The following ANXA6 variants were observed in gnomAD, a reference collection of about 807,000 sequenced individuals.
ANXA6 encodes annexin A6, also known as 67 kDa calelectrin.
ANXA6 carries 71 observed loss-of-function variants against 95.4 expected under a neutral mutation model. The observed-to-expected ratio is 0.74, with a 90% CI of 0.61 to 0.91. ANXA6 has a LOEUF of 0.91. Among genes scored for constraint, ANXA6 ranks in the 40% least tolerant of loss-of-function variants. The pLI is 0.00. For missense variants in ANXA6, 830 were observed against 876.4 expected (o/e 0.95, Z 0.67); for synonymous variants, 289 against 315.9 (o/e 0.91, Z 0.90).
chr5:151,108,229 C>T (rs1459313827), intron 23 of ANXA6, among the ~76,000 whole-genome samples: 1 of 152,032 alleles, frequency 6.6e-6, no homozygotes, highest in Non-Finnish European at 1.5e-5. Context: ...CCCCAGTCTT[C>T]CTGGTTCTTC....
At chr5:151,116,856 T>C (rs1486450645) in intron 20 of ANXA6, among the ~76,000 whole-genome samples, 1 of 152,172 alleles carries the variant, frequency 6.6e-6, no homozygotes, top group East Asian at 1.9e-4. Context: ...TGGACCTCCA[T>C]TTTCCCACTG....
At chr5:151,103,357 T>C (rs372325561) in intron 25 of ANXA6, among the ~76,000 whole-genome samples, 16 of 152,342 alleles carry the variant, frequency 1.1e-4, no homozygotes, top group East Asian at 7.7e-4. Flanking sequence ...TGGGCTCTTG[T>C]TTTATTTGGA....
At chr5:151,142,025 C>T (rs1312337641) in intron 2 of ANXA6, among the ~76,000 whole-genome samples, 1 of 152,248 alleles carries the variant, frequency 6.6e-6, no homozygotes, top group Non-Finnish European at 1.5e-5. Context: ...TGACCAAATA[C>T]TCAAGTATTT....
At chr5:151,104,413 G>A (rs1198772592) in intron 24 of ANXA6, among the ~76,000 whole-genome samples, 2 of 152,238 alleles carry the variant, frequency 1.3e-5, no homozygotes, top group African/African-American at 4.8e-5. Context: ...GTCAGAGCTA[G>A]GTTCGAGTCC....
At chr5:151,148,106 T>C (rs1344824937) in intron 1 of ANXA6, among the ~76,000 whole-genome samples, 180 bp from the exon 2 acceptor site, 1 of 151,026 alleles carries the variant, frequency 6.6e-6, no homozygotes, top group African/African-American at 2.4e-5. Flanking sequence ...ACAGACTAGA[T>C]GGTGTCCAGA....
At chr5:151,109,307 C>A (rs1037905779) in intron 22 of ANXA6, among the ~76,000 whole-genome samples, 1 of 152,202 alleles carries the variant, frequency 6.6e-6, no homozygotes, top group Admixed American at 6.5e-5. Flanking sequence ...AGTGCCAGGG[C>A]CACTGCATAC....
At chr5:151,106,277 C>A (rs562762003) in intron 23 of ANXA6, among the ~76,000 whole-genome samples, 1 of 152,214 alleles carries the variant, frequency 6.6e-6, no homozygotes, top group East Asian at 1.9e-4. Flanking sequence ...GCACAGGTGT[C>A]TCAGACAGCT....
chr5:151,108,991 A>G (rs1764775224), intron 22 of ANXA6, among the ~76,000 whole-genome samples: 1 of 152,166 alleles, frequency 6.6e-6, no homozygotes, highest in African/African-American at 2.4e-5. Context: ...TGAGTCAGGC[A>G]TTGCGCCAGT....
intron 1 of ANXA6, among the ~76,000 whole-genome samples, chr5:151,153,470 C>G (rs1766158439): frequency 6.6e-6 from 1 of 152,194 alleles, no homozygotes; most frequent in South Asian, 2.1e-4. Context: ...AAGGTATTCC[C>G]CCGCTAGGGT....
intron 17 of ANXA6, among the ~76,000 whole-genome samples, chr5:151,121,058 A>G (rs908026752): frequency 2.0e-5 from 3 of 152,194 alleles, no homozygotes. Context: ...TGGCTTAGGT[A>G]TTTTAAGAAA....
At chr5:151,149,764 G>A (rs372831596) in intron 1 of ANXA6, among the ~76,000 whole-genome samples, 267 of 152,248 alleles carry the variant, frequency 1.8e-3, no homozygotes, top group Middle Eastern at 0.01. Context: ...GATTATAGGC[G>A]TGAGCCACCA....
chr5:151,122,585 G>T lies in ANXA6; in HGVS notation c.1234-325C>A, dbSNP rs140157033. ...GCAATAATCCCTGACACTCAGTTGG[G>T]GCCTTGAAGCCAGCTCTGTCTGTGC... On this transcript the variant is annotated intron_variant, in intron 16 of 25. Transcript: ENST00000354546. 1.8e-3 allele frequency among the ~76,000 whole-genome samples: 280 copies of T among 152,334 alleles called. 1 individual carries two copies. Among genetic ancestry groups the T allele is most frequent in the Non-Finnish European group, 3.4e-3 (228 of 68,022 alleles).
chr5:151,114,494 A>T (rs780533644), intron 20 of ANXA6, among the ~76,000 whole-genome samples: 6 of 151,752 alleles, frequency 4.0e-5, no homozygotes, highest in Admixed American at 6.6e-5. Context: ...GGAGCTTGTA[A>T]TCCCAGCTAC....
At chr5:151,132,592 G>A in intron 9 of ANXA6, 21 bp from the exon 10 acceptor site, 5 of 1,604,898 alleles carry the variant, frequency 3.1e-6, no homozygotes, top group Non-Finnish European at 4.3e-6. Context: ...CAGAGAGACA[G>A]GGAGGTTTGA....
chr5:151,130,804 C>T (rs1765490199), intron 11 of ANXA6, among the ~76,000 whole-genome samples: 1 of 152,316 alleles, frequency 6.6e-6, no homozygotes. Context: ...CTTTGTGCGT[C>T]ATATGTGTAA....
intron 8 of ANXA6, chr5:151,133,452 G>A (rs928567377): frequency 5.1e-5 from 19 of 375,284 alleles, no homozygotes; most frequent in South Asian, 9.3e-5. Flanking sequence ...CCCAGACTCC[G>A]TGGTATAGCC....
rs1166125434 is a variant in ANXA6 at position 151,119,377 on chromosome 5, T to C, written c.1361A>G (p.Asp454Gly). ...CAGGATTTCAATAAGAGCCTTTTCA[T>C]CTGTGCCGGCTCCCTGGAATGTCAA... ...LKKAMEGAGT[D>G]EKALIEILAT... is the part of the protein sequence containing the mutation. Residue 454 changes from aspartate to glycine, a missense_variant, in exon 18 of 26, where the codon GAT (aspartate) becomes GGT (glycine). Asp to Gly is a moderately conservative substitution (Grantham distance 94). Coordinates refer to ENST00000354546, the MANE Select transcript of ANXA6 (RefSeq NM_001155.5). 6.2e-7 allele frequency: 1 copy of C among 1,613,792 alleles called. No individual in the cohort carries two copies. The highest frequency in any genetic ancestry group is 8.5e-7 in the Non-Finnish European group (1 of 1,179,874).
At chr5:151,122,832 C>T in intron 16 of ANXA6, 85 bp downstream of exon 16, 1 of 1,230,984 alleles carries the variant, frequency 8.1e-7, no homozygotes, top group Non-Finnish European at 1.2e-6. Flanking sequence ...TGGTGCCCAA[C>T]TGTGCAGAAC....
chr5:151,104,859 G>C (rs1404485907), intron 24 of ANXA6, among the ~76,000 whole-genome samples: 1 of 152,240 alleles, frequency 6.6e-6, no homozygotes, highest in East Asian at 1.9e-4. Context: ...ACCCAGCCCT[G>C]TGTGCCTCCA....
Sources: gnomAD v4.1 joint callset for allele counts (sites outside exome capture counted in the v4.1 genomes callset) on GRCh38, gnomAD v4.1.1 for gene constraint, MANE v1.5 for transcripts, NCBI Gene and HGNC (gene_info 2026-07-23, HGNC 2026-07-21) for gene names.